Variants in NFIA observed in about 807,000 individuals in gnomAD.
NFIA encodes the protein nuclear factor I A.
NFIA carries 8 observed loss-of-function variants against 62.8 expected under a neutral mutation model. The observed-to-expected ratio is 0.13, with a 90% CI of 0.07 to 0.23. The LOEUF (loss-of-function observed/expected upper bound fraction) is 0.23, where lower values mean the gene tolerates loss of function less well. NFIA is among the 10% of genes least tolerant of loss of function. The pLI is 1.00. For synonymous variants in NFIA, 235 were observed against 238.1 expected, an observed-to-expected ratio of 0.99 and a Z score of 0.12; for missense variants, 410 against 642.1, an observed-to-expected ratio of 0.64 and a Z score of 3.91.
At chr1:61,123,062 A>G (rs1455436292) in intron 2 of NFIA, among the ~76,000 whole-genome samples, 1 of 152,220 alleles carries the variant, frequency 6.6e-6, no homozygotes, top group Admixed American at 6.5e-5. Flanking sequence ...GTTGATGATA[A>G]TCTACTTAAA....
At chr1:61,186,388 T>TA (rs1651180842) in intron 2 of NFIA, among the ~76,000 whole-genome samples, 1 of 152,238 alleles carries the variant, frequency 6.6e-6, no homozygotes, top group South Asian at 2.1e-4. Context: ...AGTATTAACT[T>TA]ACTGTTATTT....
intron 7 of NFIA, among the ~76,000 whole-genome samples, chr1:61,390,571 G>A (rs1040382877): frequency 4.6e-5 from 7 of 152,156 alleles, no homozygotes; most frequent in Non-Finnish European, 1.5e-5. Flanking sequence ...AACATCTGAA[G>A]GTCTGAAGTT....
intron 6 of NFIA, 145 bp from the exon 7 acceptor site, chr1:61,383,092 T>A: frequency 9.9e-7 from 1 of 1,011,590 alleles, no homozygotes; most frequent in Non-Finnish European, 1.5e-6. Flanking sequence ...CTGTGACAAA[T>A]GCAAAGCAAT....
chr1:61,185,265 A>T (rs1439492026), intron 2 of NFIA, among the ~76,000 whole-genome samples: 3 of 152,234 alleles, frequency 2.0e-5, no homozygotes, highest in Non-Finnish European at 2.9e-5. Context: ...GAAGATAGGT[A>T]GTAGTCTTCT....
intron 9 of NFIA, among the ~76,000 whole-genome samples, chr1:61,422,168 T>A (rs1666650124): frequency 6.6e-6 from 1 of 152,100 alleles, no homozygotes; most frequent in Non-Finnish European, 1.5e-5. Flanking sequence ...GAAGTTGAAA[T>A]ACAAGAATCA....
intron 5 of NFIA, among the ~76,000 whole-genome samples, chr1:61,353,658 A>G (rs1380098176): frequency 6.6e-6 from 1 of 152,200 alleles, no homozygotes; most frequent in African/African-American, 2.4e-5. Context: ...CCTTGCCTTT[A>G]TATATTTTAA....
rs567254572 is a variant in NFIA at position 61,208,540 on chromosome 1, C to T, written c.560-68980C>T. Among the ~76,000 whole-genome samples, 3 of 152,300 alleles carry T rather than the reference C, an allele frequency of 2.0e-5. No homozygotes were observed. The South Asian group carries it at 6.2e-4, about 32-fold the overall frequency. On this transcript the variant is annotated intron_variant, in intron 2 of 10. Transcript: ENST00000403491. The stretch of plus-strand genomic sequence containing the variant: ...ATATTAGAAGCCCTGTCTTTGGAGT[C>T]AGGAAGACCTGAGTTTGAAACTGTG...
Position 61,404,255 on chromosome 1 carries a change from G to A in NFIA, c.1227G>A (p.Gln409=), listed in dbSNP as rs753179753. 29 of 1,613,900 alleles carry A rather than the reference G, an allele frequency of 1.8e-5. No homozygotes were observed. Among genetic ancestry groups the A allele is most frequent in the Middle Eastern group, 1.6e-4 (1 of 6,082 alleles). Residue 409 remains glutamine (Q), a synonymous_variant, in exon 8 of 11, where the codon CAG becomes CAA. Transcript: ENST00000403491. The part of the protein sequence containing the change: ...FVQLVCPDAG[Q]QAGQVGFLNP... The stretch of plus-strand genomic sequence containing the variant: ...AACTTGTCTGCCCTGATGCTGGTCA[G>A]CAGGCTGGACAGGTGGGGTTCCTCA...
At chr1:61,246,005 T>A (rs1222979514) in intron 2 of NFIA, among the ~76,000 whole-genome samples, 1 of 152,128 alleles carries the variant, frequency 6.6e-6, no homozygotes, top group Non-Finnish European at 1.5e-5. Flanking sequence ...CTATAAACCC[T>A]ATATGAACCC....
intron 3 of NFIA, among the ~76,000 whole-genome samples, chr1:61,283,934 A>G (rs1037939942): frequency 6.6e-6 from 1 of 152,218 alleles, no homozygotes; most frequent in Non-Finnish European, 1.5e-5. Flanking sequence ...TGATTTAAAA[A>G]AATTTGGAGG....
At chr1:61,366,862 G>A (rs1267046584) in intron 6 of NFIA, among the ~76,000 whole-genome samples, 1 of 152,180 alleles carries the variant, frequency 6.6e-6, no homozygotes, top group African/African-American at 2.4e-5. Flanking sequence ...GGCAGAGGTT[G>A]CAGTGAGTCA....
intron 2 of NFIA, among the ~76,000 whole-genome samples, chr1:61,263,847 G>C (rs887258193): frequency 6.6e-6 from 1 of 152,086 alleles, no homozygotes; most frequent in African/African-American, 2.4e-5. Context: ...AAAATTAGCT[G>C]GGCATGGCAA....
At chr1:61,216,500 T>G (rs565890952) in intron 2 of NFIA, among the ~76,000 whole-genome samples, 12 of 152,350 alleles carry the variant, frequency 7.9e-5, no homozygotes, top group Admixed American at 7.2e-4. Flanking sequence ...GAAATGAGAA[T>G]GTTTCACTGT....
intron 4 of NFIA, among the ~76,000 whole-genome samples, chr1:61,344,546 A>G (rs1312880542): frequency 1.3e-5 from 2 of 152,180 alleles, no homozygotes; most frequent in Admixed American, 6.5e-5. Flanking sequence ...GGCCATACAG[A>G]TTTGAAGAAG....
At chr1:61,184,058 A>G (rs952640490) in intron 2 of NFIA, among the ~76,000 whole-genome samples, 2 of 147,374 alleles carry the variant, frequency 1.4e-5, no homozygotes, top group Non-Finnish European at 3.0e-5. Flanking sequence ...ATTGAGCCGG[A>G]GAAGCAAGTT....
rs574746240 is a variant in NFIA, at chr1:61,093,384, T to C, written c.559+4704T>C. Among the ~76,000 whole-genome samples, 12 of 152,224 alleles carry C rather than the reference T, an allele frequency of 7.9e-5. No homozygotes were observed. The South Asian group carries it at 2.3e-3, about 29-fold the overall frequency. ...TACACTGTATATTGTAAAACTAATA[T>C]ACAGTGATATTTAAATTAGGAGAGT... On this transcript the variant is annotated intron_variant, in intron 2 of 10. Transcript: ENST00000403491.
At chr1:61,233,113 C>T (rs1160522687) in intron 2 of NFIA, among the ~76,000 whole-genome samples, 1 of 152,078 alleles carries the variant, frequency 6.6e-6, no homozygotes, top group East Asian at 1.9e-4. Context: ...TTTCCCCCTC[C>T]CTCCTTGCCT....
At chr1:61,325,141 C>G (rs995525815) in intron 3 of NFIA, among the ~76,000 whole-genome samples, 2 of 152,160 alleles carry the variant, frequency 1.3e-5, no homozygotes, top group African/African-American at 4.8e-5. Flanking sequence ...CTGAGAGGCC[C>G]TATTCAAAAT....
At chr1:61,246,218 G>A (rs947780734) in intron 2 of NFIA, among the ~76,000 whole-genome samples, 1 of 152,140 alleles carries the variant, frequency 6.6e-6, no homozygotes, top group East Asian at 1.9e-4. Flanking sequence ...TTAAAAAGAG[G>A]AACTGGAACT....
Sources: gnomAD v4.1 joint callset for allele counts (sites outside exome capture counted in the v4.1 genomes callset) on GRCh38, gnomAD v4.1.1 for gene constraint, MANE v1.5 for transcripts, NCBI Gene and HGNC (gene_info 2026-07-23, HGNC 2026-07-21) for gene names.